Variants in CNPY1 observed in about 807,000 individuals in gnomAD.
CNPY1 encodes protein canopy homolog 1.
Under a neutral mutation model 14.4 loss-of-function variants are expected in CNPY1, and 14 were observed. The observed-to-expected ratio is 0.97, with a 90% confidence interval of 0.64 to 1.52. The LOEUF is 1.52. Among genes scored for constraint, CNPY1 ranks in the 40% most tolerant of loss-of-function variants. The probability of loss-of-function intolerance (pLI) is 0.00; values close to 1 mark genes in which losing one functional copy is unlikely to be tolerated. For synonymous variants in CNPY1, 43 were observed against 46.5 expected (o/e 0.92, Z 0.31); for missense variants, 129 against 131.5 (o/e 0.98, Z 0.09).
intron 2 of CNPY1, among the ~76,000 whole-genome samples, chr7:155,520,345 A>C (rs1796694607): frequency 6.6e-6 from 1 of 150,478 alleles, no homozygotes; most frequent in African/African-American, 2.5e-5. Context: ...GAGAGCACCC[A>C]CATGCGGTCC....
At chr7:155,527,699 G>T (rs555082168) in intron 2 of CNPY1, among the ~76,000 whole-genome samples, 8 of 150,990 alleles carry the variant, frequency 5.3e-5, no homozygotes, top group African/African-American at 2.0e-4. Context: ...CTATCCTCCC[G>T]CCTTGGCCTC....
At chr7:155,511,884 TTACAGCTCTTTA>T (rs1339052810) in intron 2 of CNPY1, among the ~76,000 whole-genome samples, 2 of 152,230 alleles carry the variant, frequency 1.3e-5, no homozygotes, top group Non-Finnish European at 2.9e-5. Flanking sequence ...TACTTATGCA[TTACAGCTCTTTA>T]TACATTTATT....
At chr7:155,529,555 A>C (rs528367907) in intron 2 of CNPY1, among the ~76,000 whole-genome samples, 23 of 152,138 alleles carry the variant, frequency 1.5e-4, no homozygotes, top group African/African-American at 5.1e-4. Flanking sequence ...AACCCTCGGC[A>C]TTCCTTGGCT....
At chr7:155,527,054 C>CT (rs764084944) in intron 2 of CNPY1, among the ~76,000 whole-genome samples, 1 of 90,344 alleles carries the variant, frequency 1.1e-5, no homozygotes, top group African/African-American at 5.1e-5. Context: ...TTCTTTCTTT[C>CT]TTTTTTTTTT....
chr7:155,523,279 T>C (rs1020284268), intron 2 of CNPY1, among the ~76,000 whole-genome samples: 1 of 152,138 alleles, frequency 6.6e-6, no homozygotes, highest in African/African-American at 2.4e-5. Context: ...ATGAGAACAG[T>C]CTCATGTACC....
At chr7:155,528,862 C>T (rs561628942) in intron 2 of CNPY1, among the ~76,000 whole-genome samples, 7 of 152,106 alleles carry the variant, frequency 4.6e-5, no homozygotes, top group Non-Finnish European at 1.0e-4. Context: ...AGATCAAGAC[C>T]ATCCTGGCTA....
At chr7:155,532,769 T>C (rs1370765910) in intron 2 of CNPY1, among the ~76,000 whole-genome samples, 1 of 152,102 alleles carries the variant, frequency 6.6e-6, no homozygotes, top group African/African-American at 2.4e-5. Context: ...ACCTCTACAA[T>C]ATCTTCCCAT....
chr7:155,520,286 G>A lies in CNPY1; in HGVS notation c.100-11189C>T, dbSNP rs146712110. Among the ~76,000 whole-genome samples the A allele has an allele frequency of 1.3e-3, 193 of 152,272 alleles. 3 individuals carry two copies. The highest frequency in any genetic ancestry group is 7.7e-4 in the East Asian group (4 of 5,180). On this transcript the variant is annotated intron_variant, in intron 2 of 4. Transcript: ENST00000636446. ...TTGTTTATCCTCTCCACTTGGAGGCGAGAGCCCATGGTAGAAGGACAGATA... is the reference window on the plus strand; with the variant it reads ...TTGTTTATCCTCTCCACTTGGAGGCAAGAGCCCATGGTAGAAGGACAGATA...
intron 2 of CNPY1, among the ~76,000 whole-genome samples, chr7:155,522,924 A>G (rs1366174212): frequency 6.6e-6 from 1 of 152,232 alleles, no homozygotes; most frequent in Non-Finnish European, 1.5e-5. Context: ...GCTGAAGCAC[A>G]TTAAATCCAG....
At chr7:155,535,971 C>A (rs977248874) in intron 2 of CNPY1, among the ~76,000 whole-genome samples, 2 of 152,188 alleles carry the variant, frequency 1.3e-5, no homozygotes, top group Non-Finnish European at 2.9e-5. Context: ...AGGTAAATTC[C>A]TTTCCATTTA....
chr7:155,505,570 A>C (rs1048057327), intron 4 of CNPY1, among the ~76,000 whole-genome samples: 1 of 152,232 alleles, frequency 6.6e-6, no homozygotes, highest in African/African-American at 2.4e-5. Flanking sequence ...CGGGGTGACT[A>C]CTGCTGGGAC....
At chr7:155,520,953 C>T (rs993015506) in intron 2 of CNPY1, among the ~76,000 whole-genome samples, 1 of 151,902 alleles carries the variant, frequency 6.6e-6, no homozygotes, top group South Asian at 2.1e-4. Flanking sequence ...ATGGCAAAAT[C>T]CCATCTCCAT....
intron 2 of CNPY1, among the ~76,000 whole-genome samples, chr7:155,537,884 C>T (rs1797041903): frequency 6.6e-6 from 1 of 151,884 alleles, no homozygotes; most frequent in Non-Finnish European, 1.5e-5. Context: ...TTAAATTTAA[C>T]AAGTAATATG....
intron 2 of CNPY1, among the ~76,000 whole-genome samples, chr7:155,513,847 G>A (rs1796569025): frequency 6.6e-6 from 1 of 152,112 alleles, no homozygotes. Context: ...TGCAAAATTG[G>A]TACTAGCATT....
chr7:155,526,357 G>A (rs891524278), intron 2 of CNPY1, among the ~76,000 whole-genome samples: 1 of 152,150 alleles, frequency 6.6e-6, no homozygotes, highest in African/African-American at 2.4e-5. Flanking sequence ...TTCAGAAAGC[G>A]ATTTGTGTAA....
At chr7:155,523,973 G>A (rs34858960) in intron 2 of CNPY1, among the ~76,000 whole-genome samples, 11,949 of 152,084 alleles carry the variant, frequency 0.079, 517 homozygotes, top group South Asian at 0.18. Context: ...ACCAAGAGTT[G>A]CCACCACCAC....
intron 2 of CNPY1, among the ~76,000 whole-genome samples, chr7:155,522,816 G>C (rs1796750037): frequency 6.6e-6 from 1 of 152,182 alleles, no homozygotes; most frequent in South Asian, 2.1e-4. Flanking sequence ...CAGTGTCACG[G>C]AACTCAGCCT....
At chr7:155,529,465 G>A (rs1331636337) in intron 2 of CNPY1, among the ~76,000 whole-genome samples, 2 of 152,168 alleles carry the variant, frequency 1.3e-5, no homozygotes, top group Non-Finnish European at 2.9e-5. Context: ...CAACACTGAG[G>A]AACCAGCAGG....
intron 2 of CNPY1, among the ~76,000 whole-genome samples, chr7:155,513,902 C>A (rs940538665): frequency 1.1e-4 from 16 of 152,188 alleles, no homozygotes; most frequent in Non-Finnish European, 2.1e-4. Context: ...GAAAAATAAA[C>A]CCTTTAATTT....
Sources: allele counts gnomAD v4.1 joint callset (sites outside exome capture counted in the v4.1 genomes callset), GRCh38; gene constraint gnomAD v4.1.1; transcripts MANE v1.5; gene names NCBI Gene and HGNC (gene_info 2026-07-23, HGNC 2026-07-21).